EEF1AKMT1: variants seen among roughly 807,000 people sequenced by gnomAD.
EEF1AKMT1 encodes N-6 adenine-specific DNA methyltransferase 2 (putative).
In EEF1AKMT1, 18 loss-of-function variants were observed where a neutral mutation model predicts 21.0. The ratio of observed to expected loss-of-function variants is 0.86; its 90% CI spans 0.59 to 1.27. The LOEUF is 1.27. EEF1AKMT1 is among the 50% of genes most tolerant of loss of function. EEF1AKMT1 has a pLI of 0.00. For synonymous variants in EEF1AKMT1, 109 were observed against 94.8 expected, an observed-to-expected ratio of 1.15 and a Z score of -0.87; for missense variants, 246 against 258.6, an observed-to-expected ratio of 0.95 and a Z score of 0.33.
chr13:20,765,405 GTTTTTTTTTTTTTTT>G (rs1171165259), intron 1 of EEF1AKMT1, among the ~76,000 whole-genome samples: 2 of 58,678 alleles, frequency 3.4e-5, no homozygotes, highest in Non-Finnish European at 5.7e-5. Context: ...CTTCCCTTGG[GTTTTTTTTTTTTTTT>G]TTTTTTTTTT....
intron 2 of EEF1AKMT1, among the ~76,000 whole-genome samples, chr13:20,740,056 A>G (rs1029902011): frequency 2.0e-5 from 3 of 152,234 alleles, no homozygotes; most frequent in Admixed American, 1.3e-4. Flanking sequence ...GGTGGGTTGT[A>G]GGTCCTGAGC....
Position 20,728,989 on chromosome 13 carries a change from G to A in EEF1AKMT1, c.*91C>T, listed in dbSNP as rs1302162142. The A allele has an allele frequency of 6.6e-7, 1 of 1,515,588 alleles. No homozygotes were observed. The highest frequency in any genetic ancestry group is 1.4e-5 in the African/African-American group (1 of 72,930). 93.9% of individuals were successfully genotyped at this position (1,515,588 alleles called of 1,614,324 possible). A position where few individuals can be genotyped will look rare whatever the true frequency, so the allele number is the denominator to read the frequency against. On this transcript the variant is annotated 3_prime_UTR_variant, in exon 5 of 5. Transcript: ENST00000382758. Reference sequence around the variant, plus strand: ...CAGGGACAGCTCCAGTTTGGGGGGAGGGGAAGAGATTATAACTTTTAAATC... The same window carrying A: ...CAGGGACAGCTCCAGTTTGGGGGGAAGGGAAGAGATTATAACTTTTAAATC...
At chr13:20,739,059 G>C (rs920089191) in intron 2 of EEF1AKMT1, among the ~76,000 whole-genome samples, 9 of 151,540 alleles carry the variant, frequency 5.9e-5, no homozygotes, top group African/African-American at 2.2e-4. Flanking sequence ...TCTTCCTCCT[G>C]GGGGGGTCGT....
At chr13:20,762,099 T>A (rs1222613063) in intron 1 of EEF1AKMT1, among the ~76,000 whole-genome samples, 1 of 152,054 alleles carries the variant, frequency 6.6e-6, no homozygotes, top group African/African-American at 2.4e-5. Flanking sequence ...AACCTTTATT[T>A]TTCGGGGTCT....
intron 1 of EEF1AKMT1, among the ~76,000 whole-genome samples, chr13:20,773,571 C>G (rs1210312883): frequency 1.3e-5 from 2 of 152,248 alleles, no homozygotes; most frequent in Non-Finnish European, 2.9e-5. Context: ...TGTTTCTACT[C>G]GGAGGGAAGG....
intron 1 of EEF1AKMT1, among the ~76,000 whole-genome samples, chr13:20,759,641 G>A (rs1330936407): frequency 2.0e-5 from 3 of 150,542 alleles, no homozygotes; most frequent in Non-Finnish European, 3.0e-5. Flanking sequence ...AAATCAACAA[G>A]AAAAAAAAGG....
intron 2 of EEF1AKMT1, among the ~76,000 whole-genome samples, chr13:20,740,772 C>T (rs912598305): frequency 1.3e-5 from 2 of 152,210 alleles, no homozygotes; most frequent in African/African-American, 4.8e-5. Flanking sequence ...CATTGCACTC[C>T]AGCCTGGGCG....
intron 2 of EEF1AKMT1, among the ~76,000 whole-genome samples, chr13:20,744,035 T>C (rs1460494599): frequency 6.6e-6 from 1 of 152,224 alleles, no homozygotes; most frequent in Non-Finnish European, 1.5e-5. Flanking sequence ...TCATCCTTTT[T>C]TATGGCTGCA....
intron 2 of EEF1AKMT1, among the ~76,000 whole-genome samples, chr13:20,755,657 G>A (rs915350568): frequency 6.6e-6 from 1 of 152,188 alleles, no homozygotes; most frequent in Admixed American, 6.5e-5. Flanking sequence ...TCTATTTGAA[G>A]TGAGATTATT....
chr13:20,735,887 A>G (rs2058823444), intron 3 of EEF1AKMT1, among the ~76,000 whole-genome samples: 1 of 152,228 alleles, frequency 6.6e-6, no homozygotes, highest in South Asian at 2.1e-4. Flanking sequence ...AATTCCAAGC[A>G]TGGAAGCAGA....
In EEF1AKMT1 at chr13:20,729,204, T is replaced by A; in HGVS notation, c.521A>T (p.Glu174Val). Reference protein sequence around the residue: ...KILLCTGAIMEEQAAELLGVK... With the variant: ...KILLCTGAIMVEQAAELLGVK... ...TCCAAGGAGTTCTGCTGCCTGTTCTTCCATGATGGCACCTGAAGAGAACAA... is the reference window on the plus strand; with the variant it reads ...TCCAAGGAGTTCTGCTGCCTGTTCTACCATGATGGCACCTGAAGAGAACAA... The change falls in exon 5 of 5, where the codon GAA becomes GTA. Residue 174 changes from glutamate to valine, a missense_variant. Physicochemically the swap from Glu to Val is moderately radical, Grantham distance 121. Transcript: ENST00000382758. 1.9e-6 allele frequency: 3 copies of A among 1,614,110 alleles called. No individual in the cohort carries two copies. The highest frequency in any genetic ancestry group is 2.5e-6 in the Non-Finnish European group (3 of 1,180,022).
chr13:20,763,257 T>C (rs1208867454), intron 1 of EEF1AKMT1, among the ~76,000 whole-genome samples: 1 of 152,136 alleles, frequency 6.6e-6, no homozygotes, highest in Non-Finnish European at 1.5e-5. Flanking sequence ...AGTGAAATCA[T>C]GTGCTATGGA....
At chr13:20,738,803 T>C (rs548076791) in intron 2 of EEF1AKMT1, among the ~76,000 whole-genome samples, 2 of 152,330 alleles carry the variant, frequency 1.3e-5, no homozygotes, top group Middle Eastern at 3.4e-3. Flanking sequence ...AGTAGATTAG[T>C]GGTTGCCAGG....
intron 2 of EEF1AKMT1, among the ~76,000 whole-genome samples, chr13:20,738,979 G>A (rs995247550): frequency 1.3e-5 from 2 of 152,238 alleles, no homozygotes; most frequent in East Asian, 3.8e-4. Flanking sequence ...CCCTCACGAT[G>A]AGTGTGACAG....
chr13:20,756,663 C>T (rs903997092), intron 2 of EEF1AKMT1, among the ~76,000 whole-genome samples: 8 of 152,228 alleles, frequency 5.3e-5, no homozygotes, highest in Admixed American at 4.6e-4. Context: ...CAGTTTAAAG[C>T]CTGAAAGCCA....
intron 4 of EEF1AKMT1, among the ~76,000 whole-genome samples, chr13:20,730,988 C>G (rs947686419): frequency 1.3e-5 from 2 of 152,158 alleles, no homozygotes; most frequent in African/African-American, 4.8e-5. Context: ...CTGAAGTCAG[C>G]GAGACCACGA....
chr13:20,761,134 A>G (rs1458390597), intron 1 of EEF1AKMT1, among the ~76,000 whole-genome samples: 1 of 152,240 alleles, frequency 6.6e-6, no homozygotes, highest in East Asian at 1.9e-4. Flanking sequence ...ATAGTTTTAT[A>G]TAATGATATC....
intron 3 of EEF1AKMT1, among the ~76,000 whole-genome samples, chr13:20,733,300 T>G (rs1159188359): frequency 6.6e-6 from 1 of 152,158 alleles, no homozygotes; most frequent in African/African-American, 2.4e-5. Context: ...TTCACCATCT[T>G]GGCCAGGCTG....
chr13:20,731,016 A>G (rs1188247687), intron 4 of EEF1AKMT1, among the ~76,000 whole-genome samples: 1 of 152,178 alleles, frequency 6.6e-6, no homozygotes, highest in African/African-American at 2.4e-5. Context: ...AGGAAGAAAA[A>G]ACAATTCCGG....
Sources: gnomAD v4.1 joint callset for allele counts (sites outside exome capture counted in the v4.1 genomes callset) on GRCh38, gnomAD v4.1.1 for gene constraint, MANE v1.5 for transcripts, NCBI Gene and HGNC (gene_info 2026-07-23, HGNC 2026-07-21) for gene names.